Variants in TENT4B observed in about 807,000 individuals in gnomAD.
The protein encoded by TENT4B is terminal nucleotidyltransferase 4B.
A neutral mutation model predicts 75.0 loss-of-function variants in TENT4B; 10 were observed. The observed-to-expected ratio is 0.13, with a 90% CI of 0.08 to 0.23. The LOEUF (loss-of-function observed/expected upper bound fraction) is 0.23. TENT4B is among the 10% of genes least tolerant of loss of function. The pLI, the probability that TENT4B is intolerant of heterozygous loss-of-function variation, is 1.00. For synonymous variants in TENT4B, 350 were observed against 357.7 expected (o/e 0.98, Z 0.24); for missense variants, 579 against 893.8 (o/e 0.65, Z 4.49).
At chr16:50,211,289 C>CT in intron 1 of TENT4B, 34 bp from the exon 2 acceptor site, 1 of 1,577,466 alleles carries the variant, frequency 6.3e-7, no homozygotes, top group Non-Finnish European at 8.6e-7. Flanking sequence ...TAGATTGGCC[C>CT]TGTTCATATT....
chr16:50,225,150 TAATC>T lies in TENT4B; in HGVS notation c.1666_1669del (p.Asn556TyrfsTer44). 6.2e-7 allele frequency: 1 copy of T among 1,613,238 alleles called. No individual in the cohort carries two copies. The highest frequency in any genetic ancestry group is 8.5e-7 in the Non-Finnish European group (1 of 1,179,346). On this transcript the variant is annotated frameshift_variant, in exon 10 of 12. Transcript: ENST00000561678. LOFTEE classifies it high-confidence loss of function. ...CTCAGCAGTTAGATAAATGTAATAA[TAATC>T]TATCTGAAGAAAATGAAGCCCTTGG... is the stretch of plus-strand genomic sequence containing the variant.
intron 1 of TENT4B, among the ~76,000 whole-genome samples, chr16:50,166,193 G>A (rs1310122960): frequency 6.8e-6 from 1 of 147,026 alleles, no homozygotes. Context: ...AGCAATTCTT[G>A]TATCTCTCAG....
intron 10 of TENT4B, among the ~76,000 whole-genome samples, chr16:50,225,623 C>T (rs1018856912): frequency 1.3e-5 from 2 of 152,060 alleles, no homozygotes; most frequent in African/African-American, 4.8e-5. Context: ...CATCAGTTCC[C>T]CTAGAGTACT....
At chr16:50,170,176 C>G (rs1467266608) in intron 1 of TENT4B, among the ~76,000 whole-genome samples, 1 of 151,878 alleles carries the variant, frequency 6.6e-6, no homozygotes, top group Non-Finnish European at 1.5e-5. Context: ...CCTGCCACCA[C>G]GCCTGGCTAA....
At chr16:50,176,687 A>G (rs1203671805) in intron 1 of TENT4B, among the ~76,000 whole-genome samples, 1 of 151,094 alleles carries the variant, frequency 6.6e-6, no homozygotes, top group Non-Finnish European at 1.5e-5. Context: ...TTGTATTTTT[A>G]GTAGAGATGG....
rs1332975189 is a variant in TENT4B at position 50,182,947 on chromosome 16, G to A, written c.639-28376G>A. On this transcript the variant is annotated intron_variant, in intron 1 of 11. Transcript: ENST00000561678. ...TGAGTTAGGCCAAGTTGCCTAGGCT[G>A]GGCTCAAGCAATCCTTCTGCCTCAG... Among the ~76,000 whole-genome samples the A allele has an allele frequency of 2.6e-5, 3 of 117,370 alleles. No individual in the cohort carries two copies. The East Asian group carries it at 8.6e-4, about 34-fold the overall frequency. 77.0% of individuals were successfully genotyped at this position (117,370 alleles called of 152,430 possible).
intron 1 of TENT4B, among the ~76,000 whole-genome samples, chr16:50,205,249 C>A (rs2030883193): frequency 6.6e-6 from 1 of 152,074 alleles, no homozygotes; most frequent in African/African-American, 2.4e-5. Flanking sequence ...TGCATACTCA[C>A]AACCATATTT....
intron 1 of TENT4B, among the ~76,000 whole-genome samples, chr16:50,196,745 G>A (rs548958383): frequency 8.3e-5 from 12 of 145,012 alleles, no homozygotes; most frequent in African/African-American, 3.1e-4. Flanking sequence ...TGGGCAACAT[G>A]GTGAAATCCT....
rs2032277714 is a variant in TENT4B at position 50,231,049 on chromosome 16, A to C, written c.*1721A>C. 8 of 983,070 alleles carry C rather than the reference A, an allele frequency of 8.1e-6. No homozygotes were observed. The highest frequency in any genetic ancestry group is 1.7e-5 in the African/African-American group (1 of 57,204). The allele number at this position is 983,070 out of a possible 1,614,324, so 60.9% of individuals were successfully genotyped here. ...TTTATAAAGAAAATAATGCTAAAGT[A>C]AGACCAAAACTGATGTCATCACTGA... On this transcript the variant is annotated 3_prime_UTR_variant, in exon 12 of 12. Transcript: ENST00000561678.
In TENT4B at chr16:50,232,566, C is replaced by G. The variant is rs1596768220; in HGVS notation, c.*3238C>G. On this transcript the variant is annotated 3_prime_UTR_variant, in exon 12 of 12. Transcript: ENST00000561678. ...AATGGTAAGTGTGACTTGTGTTTGC[C>G]TGAACCTGTGGACTAGTGTTTGGGG... 3.0e-6 allele frequency: 3 copies of G among 985,168 alleles called. No individual in the cohort carries two copies. Among genetic ancestry groups the G allele is most frequent in the South Asian group, 9.4e-5 (2 of 21,256 alleles). The allele number at this position is 985,168 out of a possible 1,614,324, so 61.0% of individuals were successfully genotyped here.
intron 1 of TENT4B, among the ~76,000 whole-genome samples, chr16:50,210,163 C>T (rs2031203904): frequency 6.6e-6 from 1 of 152,182 alleles, no homozygotes; most frequent in Non-Finnish European, 1.5e-5. Flanking sequence ...GCTCAGTCCT[C>T]GTGGGTGGTC....
chr16:50,225,345 T>A, intron 10 of TENT4B, 60 bp downstream of exon 10: 1 of 1,471,236 alleles, frequency 6.8e-7, no homozygotes, highest in South Asian at 1.3e-5. Context: ...CTTGCTGGGG[T>A]TAACACTGTC....
intron 3 of TENT4B, among the ~76,000 whole-genome samples, chr16:50,214,859 C>T (rs922484737): frequency 5.3e-5 from 8 of 152,094 alleles, no homozygotes; most frequent in Non-Finnish European, 1.0e-4. Context: ...ATAACTTAAC[C>T]CACTGACACA....
Position 50,222,383 on chromosome 16 carries a change from A to G in TENT4B, c.1116A>G (p.Thr372=). ...LLQRDLNEVF[T]GGIGSYSLFL... ...AGAGGGACCTTAATGAAGTATTTACAGGTGGAATTGGTTCTTATAGTCTCT... is the reference window on the plus strand; with the variant it reads ...AGAGGGACCTTAATGAAGTATTTACGGGTGGAATTGGTTCTTATAGTCTCT... The change falls in exon 6 of 12, where the codon ACA becomes ACG. Residue 372 remains threonine, a synonymous_variant. Transcript: ENST00000561678. The G allele has an allele frequency of 6.2e-7, 1 of 1,613,288 alleles. No homozygotes were observed. The highest frequency in any genetic ancestry group is 8.5e-7 in the Non-Finnish European group (1 of 1,179,486).
chr16:50,153,895 G>A lies in TENT4B; in HGVS notation c.274G>A (p.Gly92Ser). 6.6e-7 allele frequency: 1 copy of A among 1,520,888 alleles called. No homozygotes were observed. The highest frequency in any genetic ancestry group is 8.8e-7 in the Non-Finnish European group (1 of 1,141,286). The allele number at this position is 1,520,888 out of a possible 1,614,324, so 94.2% of individuals were successfully genotyped here. ...GMYRSGERLLGSHALPAEQRD... is the reference protein window; with the variant it reads ...GMYRSGERLLSSHALPAEQRD... ...GTATCGCTCCGGGGAGCGCCTGCTG[G>A]GCAGCCACGCGCTGCCCGCGGAGCA... The change falls in exon 1 of 12, where the codon GGC (glycine) becomes AGC (serine). Residue 92 changes from glycine (G) to serine (S), a missense_variant. Coordinates refer to ENST00000561678, the MANE Select transcript of TENT4B (RefSeq NM_001365324.3).
upstream of TENT4B, chr16:50,153,086 G>A (rs1171495559): frequency 9.6e-6 from 13 of 1,357,854 alleles, no homozygotes; most frequent in South Asian, 1.5e-5. Flanking sequence ...AGGCGGTTGC[G>A]GCCCCGTCGC....
At position 50,154,097 on chromosome 16, in the gene TENT4B, A is replaced by G. The variant is rs1474694409; in HGVS notation, c.476A>G (p.Asn159Ser). Residue 159 changes from asparagine (N) to serine (S), a missense_variant, in exon 1 of 12, where the codon AAC (asparagine) becomes AGC (serine). Coordinates refer to ENST00000561678, the MANE Select transcript of TENT4B (RefSeq NM_001365324.3). ...GCCGATTCGGCCTCGGGCAGCAGCAACAAGAGGAAGCGCGACAACAAGGCC... is the reference window on the plus strand; with the variant it reads ...GCCGATTCGGCCTCGGGCAGCAGCAGCAAGAGGAAGCGCGACAACAAGGCC... ...DPADSASGSS[N>S]KRKRDNKAST... is the part of the protein sequence containing the mutation. 2 of 1,528,686 alleles carry G rather than the reference A, an allele frequency of 1.3e-6. No homozygotes were observed. Among genetic ancestry groups the G allele is most frequent in the South Asian group, 1.2e-5 (1 of 82,510 alleles). The allele number at this position is 1,528,686 out of a possible 1,614,324, so 94.7% of individuals were successfully genotyped here. A position where few individuals can be genotyped will look rare whatever the true frequency, so the allele number is the denominator to read the frequency against.
At chr16:50,198,417 TAAAAA>T (rs72219443) in intron 1 of TENT4B, among the ~76,000 whole-genome samples, 2 of 133,936 alleles carry the variant, frequency 1.5e-5, no homozygotes, top group African/African-American at 2.9e-5. Context: ...AGACTCTGTC[TAAAAA>T]AAAAAAAAAA....
At chr16:50,225,051 G>A (rs1298726657) in intron 9 of TENT4B, 47 bp from the exon 10 acceptor site, 2 of 1,607,656 alleles carry the variant, frequency 1.2e-6, no homozygotes, top group Non-Finnish European at 1.7e-6. Context: ...TGTGTTGTGT[G>A]CGTTTAATGG....
Sources: allele counts gnomAD v4.1 joint callset (sites outside exome capture counted in the v4.1 genomes callset), GRCh38; gene constraint gnomAD v4.1.1; transcripts MANE v1.5; gene names NCBI Gene and HGNC (gene_info 2026-07-23, HGNC 2026-07-21).